The following SMOC1 variants were observed in gnomAD, a reference collection of about 807,000 sequenced individuals.
SMOC1 encodes the protein SPARC related modular calcium binding 1, also known as SPARC-related modular calcium-binding protein 1.
SMOC1 carries 22 observed loss-of-function variants against 56.3 expected under a neutral mutation model. The ratio of observed to expected loss-of-function variants is 0.39; its 90% CI spans 0.28 to 0.56. The LOEUF (loss-of-function observed/expected upper bound fraction) is 0.56. SMOC1 is among the 20% of genes least tolerant of loss of function. The pLI is 0.61. For synonymous variants in SMOC1, 193 were observed against 215.0 expected, an observed-to-expected ratio of 0.90 and a Z score of 0.89; for missense variants, 509 against 565.4, an observed-to-expected ratio of 0.90 and a Z score of 1.01.
rs542274320 is a variant in SMOC1, at chr14:70,023,311, G to A, written c.1155G>A (p.Lys385=). 3 of 1,614,148 alleles carry A rather than the reference G, an allele frequency of 1.9e-6. No homozygotes were observed. The highest frequency in any genetic ancestry group is 1.7e-6 in the Non-Finnish European group (2 of 1,180,028). The change falls in exon 11 of 12, where the codon AAG becomes AAA. Residue 385 remains lysine, a synonymous_variant. Coordinates refer to ENST00000361956, the MANE Select transcript of SMOC1 (RefSeq NM_001034852.3). ...ACGACATTAACAAGCGGGAGATGAAGCCCTTCAAGCGCTACGTGAAGAAGA... is the reference window on the plus strand; with the variant it reads ...ACGACATTAACAAGCGGGAGATGAAACCCTTCAAGCGCTACGTGAAGAAGA... ...SSNDINKREM[K]PFKRYVKKKA...
chr14:69,912,678 C>T (rs1362905544), intron 1 of SMOC1, among the ~76,000 whole-genome samples: 1 of 152,168 alleles, frequency 6.6e-6, no homozygotes, highest in Non-Finnish European at 1.5e-5. Flanking sequence ...CTTGCTTTCT[C>T]AAGGTCACAA....
chr14:69,901,849 C>T (rs1884249479), intron 1 of SMOC1, among the ~76,000 whole-genome samples: 1 of 152,224 alleles, frequency 6.6e-6, no homozygotes, highest in African/African-American at 2.4e-5. Flanking sequence ...TCTTTGGTGG[C>T]TCTTTGCCTT....
chr14:70,024,152 G>T (rs539929085), intron 11 of SMOC1, among the ~76,000 whole-genome samples: 1 of 152,108 alleles, frequency 6.6e-6, no homozygotes, highest in Non-Finnish European at 1.5e-5. Context: ...TAATTCATTG[G>T]CTGGAACTCA....
chr14:69,955,846 G>A (rs1298756215), intron 3 of SMOC1, among the ~76,000 whole-genome samples: 1 of 152,224 alleles, frequency 6.6e-6, no homozygotes, highest in African/African-American at 2.4e-5. Context: ...ATGTCTGTGG[G>A]GAGGAATCAG....
At chr14:69,979,023 T>A (rs1272532926) in intron 5 of SMOC1, among the ~76,000 whole-genome samples, 1 of 151,586 alleles carries the variant, frequency 6.6e-6, no homozygotes, top group Non-Finnish European at 1.5e-5. Context: ...TCTCCAGGAC[T>A]CCCATCTCAG....
chr14:70,005,629 T>C (rs573185662), intron 7 of SMOC1, among the ~76,000 whole-genome samples: 1 of 152,356 alleles, frequency 6.6e-6, no homozygotes, highest in Admixed American at 6.5e-5. Context: ...TTTGCTTGGA[T>C]GTTTTTTCTA....
intron 1 of SMOC1, among the ~76,000 whole-genome samples, chr14:69,923,807 T>C (rs773232676): frequency 2.0e-5 from 3 of 152,066 alleles, no homozygotes; most frequent in Non-Finnish European, 2.9e-5. Flanking sequence ...CCTCAATCAA[T>C]CCTACGTAGG....
chr14:70,002,271 GA>G (rs1180216571), intron 7 of SMOC1, among the ~76,000 whole-genome samples: 1 of 152,182 alleles, frequency 6.6e-6, no homozygotes, highest in African/African-American at 2.4e-5. Context: ...TTCTGTGGGG[GA>G]AAGGGCTTTT....
intron 1 of SMOC1, among the ~76,000 whole-genome samples, chr14:69,934,503 A>C (rs1006234940): frequency 2.0e-5 from 3 of 152,214 alleles, no homozygotes; most frequent in Non-Finnish European, 4.4e-5. Flanking sequence ...CAGATGGGGC[A>C]GGAAGGATGG....
At chr14:69,947,606 C>A (rs986538775) in intron 1 of SMOC1, among the ~76,000 whole-genome samples, 15 of 152,062 alleles carry the variant, frequency 9.9e-5, no homozygotes, top group African/African-American at 3.6e-4. Context: ...TCAGTCTTCA[C>A]CTGGCTCAAC....
intron 1 of SMOC1, among the ~76,000 whole-genome samples, chr14:69,926,015 G>C (rs553731326): frequency 6.6e-6 from 1 of 150,944 alleles, no homozygotes; most frequent in African/African-American, 2.4e-5. Context: ...CTCTGTCACC[G>C]AGGCCCAAGG....
At chr14:69,984,157 C>T (rs1328183875) in intron 5 of SMOC1, among the ~76,000 whole-genome samples, 3 of 152,126 alleles carry the variant, frequency 2.0e-5, no homozygotes, top group African/African-American at 7.2e-5. Flanking sequence ...ATAGAGGACC[C>T]AGAAACAGAT....
chr14:69,920,467 C>G (rs1170539743), intron 1 of SMOC1, among the ~76,000 whole-genome samples: 2 of 152,192 alleles, frequency 1.3e-5, no homozygotes, highest in East Asian at 1.9e-4. Flanking sequence ...TTTATGTGCT[C>G]ATACATCTCA....
At chr14:69,923,722 C>T (rs192364749) in intron 1 of SMOC1, among the ~76,000 whole-genome samples, 35 of 152,318 alleles carry the variant, frequency 2.3e-4, no homozygotes, top group African/African-American at 8.2e-4. Flanking sequence ...GCTGTGGTCT[C>T]AGTTGGGTTT....
At chr14:69,989,063 G>A (rs1884471828) in intron 5 of SMOC1, among the ~76,000 whole-genome samples, 1 of 152,158 alleles carries the variant, frequency 6.6e-6, no homozygotes, top group Non-Finnish European at 1.5e-5. Context: ...TTCTAGGAGT[G>A]GAATTTTGGG....
chr14:69,994,510 AC>A (rs1884696448), intron 7 of SMOC1, 30 bp downstream of exon 7: 3 of 1,552,960 alleles, frequency 1.9e-6, no homozygotes, highest in Non-Finnish European at 2.7e-6. Context: ...TTATATATGT[AC>A]CCAGTCCATC....
intron 5 of SMOC1, among the ~76,000 whole-genome samples, chr14:69,984,581 A>T (rs766808197): frequency 4.0e-5 from 6 of 151,840 alleles, no homozygotes; most frequent in Admixed American, 6.6e-5. Flanking sequence ...GGTGGCTCAC[A>T]CCTGTAATCC....
intron 3 of SMOC1, among the ~76,000 whole-genome samples, chr14:69,965,207 A>G (rs61981766): frequency 0.071 from 10,768 of 151,934 alleles, 469 homozygotes; most frequent in Middle Eastern, 0.15. Flanking sequence ...GTGAAACCCC[A>G]TCTCCACTAA....
chr14:69,911,582 A>G (rs562597163), intron 1 of SMOC1, among the ~76,000 whole-genome samples: 44 of 152,276 alleles, frequency 2.9e-4, no homozygotes, highest in Non-Finnish European at 5.1e-4. Flanking sequence ...CACCTTTTCT[A>G]AAAGGATGTT....
Sources: gnomAD v4.1 joint callset for allele counts (sites outside exome capture counted in the v4.1 genomes callset) on GRCh38, gnomAD v4.1.1 for gene constraint, MANE v1.5 for transcripts, NCBI Gene and HGNC (gene_info 2026-07-23, HGNC 2026-07-21) for gene names.